The following CTNND2 variants were observed in gnomAD, a reference collection of about 807,000 sequenced individuals.
CTNND2 encodes catenin delta 2.
Under a neutral mutation model 144.4 loss-of-function variants are expected in CTNND2, and 22 were observed. The observed-to-expected ratio is 0.15, with a 90% CI of 0.11 to 0.22. The LOEUF (loss-of-function observed/expected upper bound fraction) is 0.22, where lower values mean the gene tolerates loss of function less well. Ranked by LOEUF, CTNND2 falls within the 10% of genes least tolerant of loss-of-function variation. CTNND2 has a pLI of 1.00. For missense variants in CTNND2, 1,353 were observed against 1,618.8 expected (o/e 0.84, Z 2.82); for synonymous variants, 751 against 695.6 (o/e 1.08, Z -1.25).
At chr5:11,598,798 G>T (rs756667418) in intron 2 of CTNND2, among the ~76,000 whole-genome samples, 3 of 151,940 alleles carry the variant, frequency 2.0e-5, no homozygotes, top group South Asian at 2.1e-4. Context: ...TTAACAGCTG[G>T]GTCAGAAAAC....
intron 9 of CTNND2, among the ~76,000 whole-genome samples, chr5:11,277,500 ATATTTATTTATTTATTTATTTATT>A (rs202245115): frequency 5.1e-5 from 7 of 136,824 alleles, no homozygotes; most frequent in African/African-American, 1.3e-4. Context: ...CTTTTTAAAA[ATATTTATTTATTTATTTATTTATT>A]TATTTATTTA....
chr5:11,288,515 A>G (rs1747981366), intron 9 of CTNND2, among the ~76,000 whole-genome samples: 1 of 152,218 alleles, frequency 6.6e-6, no homozygotes, highest in African/African-American at 2.4e-5. Flanking sequence ...CACTAACTGT[A>G]TCATAAACCT....
intron 9 of CTNND2, among the ~76,000 whole-genome samples, chr5:11,337,120 G>A (rs552225927): frequency 5.3e-5 from 8 of 152,250 alleles, no homozygotes; most frequent in African/African-American, 1.7e-4. Flanking sequence ...AACCTTCTTT[G>A]CATTCCTTCG....
At chr5:11,303,797 G>A (rs1020383130) in intron 9 of CTNND2, among the ~76,000 whole-genome samples, 5 of 152,140 alleles carry the variant, frequency 3.3e-5, no homozygotes, top group African/African-American at 4.8e-5. Flanking sequence ...TGAAGATAAC[G>A]TTGATATGGT....
chr5:11,126,118 A>C (rs1385512080), intron 12 of CTNND2, among the ~76,000 whole-genome samples: 2 of 152,192 alleles, frequency 1.3e-5, no homozygotes, highest in Non-Finnish European at 2.9e-5. Context: ...CCTGACCAAC[A>C]TGGAGAATCC....
At chr5:11,786,073 G>C (rs1273509499) in intron 1 of CTNND2, among the ~76,000 whole-genome samples, 1 of 152,180 alleles carries the variant, frequency 6.6e-6, no homozygotes, top group Non-Finnish European at 1.5e-5. Context: ...TATTCGACCA[G>C]ACCCCCATTC....
At chr5:11,502,705 GT>G (rs1219683052) in intron 3 of CTNND2, among the ~76,000 whole-genome samples, 2 of 152,052 alleles carry the variant, frequency 1.3e-5, no homozygotes, top group Non-Finnish European at 2.9e-5. Flanking sequence ...TCCTCATAGG[GT>G]TTTGCACATC....
chr5:11,499,594 T>C (rs1028625602), intron 3 of CTNND2, among the ~76,000 whole-genome samples: 1 of 152,252 alleles, frequency 6.6e-6, no homozygotes, highest in Non-Finnish European at 1.5e-5. Context: ...ATTTCATTCA[T>C]GAACCCTGCA....
At chr5:11,435,432 G>A (rs1196444588) in intron 3 of CTNND2, among the ~76,000 whole-genome samples, 4 of 151,958 alleles carry the variant, frequency 2.6e-5, no homozygotes, top group Non-Finnish European at 5.9e-5. Context: ...CTGAGCCACC[G>A]CGCCCCGCCG....
At chr5:11,086,029 T>C (rs1005218736) in intron 15 of CTNND2, among the ~76,000 whole-genome samples, 4 of 152,034 alleles carry the variant, frequency 2.6e-5, no homozygotes, top group African/African-American at 7.2e-5. Flanking sequence ...AGCCCCAGTG[T>C]GGCAAGGGGT....
intron 1 of CTNND2, among the ~76,000 whole-genome samples, chr5:11,870,131 C>T (rs113761984): frequency 2.1e-4 from 32 of 152,128 alleles, no homozygotes; most frequent in Non-Finnish European, 2.6e-4. Context: ...TATAGCACTG[C>T]GATAGGGGTT....
intron 10 of CTNND2, among the ~76,000 whole-genome samples, chr5:11,200,978 C>A (rs934672507): frequency 1.3e-5 from 2 of 151,440 alleles, no homozygotes; most frequent in East Asian, 1.9e-4. Flanking sequence ...CGTGCCAGGC[C>A]ATCCCCAGGC....
chr5:11,302,066 G>A (rs552255817), intron 9 of CTNND2, among the ~76,000 whole-genome samples: 12 of 152,270 alleles, frequency 7.9e-5, no homozygotes, highest in Admixed American at 3.9e-4. Context: ...GGTAACTGTC[G>A]AATCAGAAAC....
intron 8 of CTNND2, among the ~76,000 whole-genome samples, chr5:11,359,747 G>C (rs894933167): frequency 2.0e-5 from 3 of 152,188 alleles, no homozygotes; most frequent in African/African-American, 4.8e-5. Flanking sequence ...CCTAGTAGGG[G>C]ACAAAGGTCT....
chr5:11,074,778 A>G (rs567802441), intron 16 of CTNND2, among the ~76,000 whole-genome samples: 1 of 152,200 alleles, frequency 6.6e-6, no homozygotes, highest in Non-Finnish European at 1.5e-5. Context: ...TTCTTTATTC[A>G]GTCTTTATTT....
intron 6 of CTNND2, among the ~76,000 whole-genome samples, chr5:11,391,220 T>G (rs1759607198): frequency 2.2e-5 from 3 of 137,930 alleles, no homozygotes; most frequent in Admixed American, 2.2e-4. Flanking sequence ...TTCAAAGAAG[T>G]CTGTTTCTAC....
intron 12 of CTNND2, among the ~76,000 whole-genome samples, chr5:11,157,268 A>T (rs1335384396): frequency 6.6e-6 from 1 of 152,194 alleles, no homozygotes; most frequent in Admixed American, 6.5e-5. Context: ...AGTCCTTTCA[A>T]CGCTGGGTAG....
chr5:11,134,266 A>G (rs767524606), intron 12 of CTNND2, among the ~76,000 whole-genome samples: 3 of 152,180 alleles, frequency 2.0e-5, no homozygotes, highest in Non-Finnish European at 4.4e-5. Flanking sequence ...ACACCCCACA[A>G]GGAAATGCAG....
intron 11 of CTNND2, among the ~76,000 whole-genome samples, chr5:11,160,781 C>T (rs1281515689): frequency 2.0e-5 from 3 of 152,146 alleles, no homozygotes; most frequent in African/African-American, 4.8e-5. Flanking sequence ...TAACGAAATG[C>T]GATTTTGTTC....
Sources: allele counts gnomAD v4.1 joint callset (sites outside exome capture counted in the v4.1 genomes callset), GRCh38; gene constraint gnomAD v4.1.1; transcripts MANE v1.5; gene names NCBI Gene and HGNC (gene_info 2026-07-23, HGNC 2026-07-21).